INPP4B: variants seen among roughly 807,000 people sequenced by gnomAD.
INPP4B encodes the protein inositol polyphosphate 4-phosphatase type II.
A neutral mutation model predicts 122.5 loss-of-function variants in INPP4B; 55 were observed. The ratio of observed to expected loss-of-function variants is 0.45; its 90% CI spans 0.36 to 0.56. The LOEUF (loss-of-function observed/expected upper bound fraction) is 0.56. Among genes scored for constraint, INPP4B ranks in the 20% least tolerant of loss-of-function variants. The pLI, the probability that INPP4B is intolerant of heterozygous loss-of-function variation, is 0.00. For synonymous variants in INPP4B, 403 were observed against 388.7 expected (o/e 1.04, Z -0.43); for missense variants, 1,000 against 1,097.7 (o/e 0.91, Z 1.26).
chr4:142,539,006 A>G (rs1372408797), intron 2 of INPP4B, among the ~76,000 whole-genome samples: 2 of 151,566 alleles, frequency 1.3e-5, no homozygotes, highest in Non-Finnish European at 2.9e-5. Flanking sequence ...AAGACAATGA[A>G]AAAAATTGTT....
intron 2 of INPP4B, among the ~76,000 whole-genome samples, chr4:142,621,843 T>C (rs746803882): frequency 1.6e-4 from 25 of 151,890 alleles, no homozygotes; most frequent in Non-Finnish European, 3.2e-4. Context: ...CATTTAGTGT[T>C]TGCACGTTGC....
At chr4:142,605,292 TAACTGTAAAACTAGAAGA>T (rs1560855853) in intron 2 of INPP4B, among the ~76,000 whole-genome samples, 1 of 151,796 alleles carries the variant, frequency 6.6e-6, no homozygotes, top group African/African-American at 2.4e-5. Flanking sequence ...AGAAGACATG[TAACTGTAAAACTAGAAGA>T]AACTGTAAAA....
At chr4:142,223,667 G>T in intron 12 of INPP4B, among the ~76,000 whole-genome samples, 1 of 152,204 alleles carries the variant, frequency 6.6e-6, no homozygotes, top group Non-Finnish European at 1.5e-5. Flanking sequence ...ATGACACACA[G>T]CATCTGCCCT....
At chr4:142,134,497 T>C (rs1802960023) in intron 18 of INPP4B, among the ~76,000 whole-genome samples, 1 of 152,202 alleles carries the variant, frequency 6.6e-6, no homozygotes, top group Non-Finnish European at 1.5e-5. Flanking sequence ...AAATGTACTT[T>C]ACATGGCATA....
chr4:142,820,352 A>G (rs532817536), intron 1 of INPP4B, among the ~76,000 whole-genome samples: 1 of 151,620 alleles, frequency 6.6e-6, no homozygotes, highest in South Asian at 2.1e-4. Context: ...AGAGCCTGGC[A>G]CCTCCCTCCT....
At position 142,108,113 on chromosome 4, in the gene INPP4B, A is replaced by G. The variant is rs756591423; in HGVS notation, c.2354T>C (p.Met785Thr). Residue 785 changes from methionine to threonine, a missense_variant, in exon 23 of 26, where the codon ATG (methionine) becomes ACG (threonine). Transcript: ENST00000262992. ...ELLQEYYKIFMEKMPPDYISH... is the reference protein window; with the variant it reads ...ELLQEYYKIFTEKMPPDYISH... The stretch of plus-strand genomic sequence containing the variant: ...CTTACAATCAGGAGGCATCTTTTCC[A>G]TAAATATCTTGTAATATTCTTGTAG... The G allele has an allele frequency of 2.4e-5, 37 of 1,556,964 alleles. No individual in the cohort carries two copies. The highest frequency in any genetic ancestry group is 3.0e-5 in the Non-Finnish European group (34 of 1,130,458).
chr4:142,811,153 T>C (rs565294325), intron 1 of INPP4B, among the ~76,000 whole-genome samples: 40 of 152,316 alleles, frequency 2.6e-4, no homozygotes, highest in African/African-American at 8.7e-4. Flanking sequence ...CTCGATGCAG[T>C]GCTGGTGCAG....
At chr4:142,354,127 T>C (rs919681293) in intron 7 of INPP4B, among the ~76,000 whole-genome samples, 3 of 151,966 alleles carry the variant, frequency 2.0e-5, no homozygotes, top group Non-Finnish European at 4.4e-5. Flanking sequence ...TCAAATGCAA[T>C]AGCCGAAACC....
intron 15 of INPP4B, among the ~76,000 whole-genome samples, chr4:142,177,879 C>T (rs1829048010): frequency 6.6e-6 from 1 of 152,082 alleles, no homozygotes; most frequent in African/African-American, 2.4e-5. Flanking sequence ...ATATTTGTCC[C>T]AGTCCCTTTT....
At chr4:142,601,874 C>T (rs1418926707) in intron 2 of INPP4B, among the ~76,000 whole-genome samples, 6 of 144,664 alleles carry the variant, frequency 4.1e-5, no homozygotes, top group Non-Finnish European at 7.4e-5. Flanking sequence ...GAGGCTGAGG[C>T]AGGAGAATGG....
chr4:142,345,448 T>C (rs189223932), intron 7 of INPP4B, among the ~76,000 whole-genome samples: 1 of 152,168 alleles, frequency 6.6e-6, no homozygotes, highest in East Asian at 1.9e-4. Flanking sequence ...GAAATGTGTA[T>C]ACCATGCATT....
intron 14 of INPP4B, among the ~76,000 whole-genome samples, chr4:142,206,348 T>C (rs1842572654): frequency 9.1e-6 from 1 of 109,512 alleles, no homozygotes; most frequent in African/African-American, 3.6e-5. Flanking sequence ...TCCATCTCTC[T>C]CTCTCTCTTT....
At chr4:142,815,680 G>A (rs918656948) in intron 1 of INPP4B, among the ~76,000 whole-genome samples, 1 of 151,996 alleles carries the variant, frequency 6.6e-6, no homozygotes, top group African/African-American at 2.4e-5. Flanking sequence ...TATAAGTAAA[G>A]CTTAACAAAA....
chr4:142,047,218 G>A (rs2152371265), intron 25 of INPP4B, among the ~76,000 whole-genome samples: 1 of 152,120 alleles, frequency 6.6e-6, no homozygotes, highest in South Asian at 2.1e-4. Flanking sequence ...TTTTTTGATA[G>A]AAATAAAGAG....
intron 1 of INPP4B, among the ~76,000 whole-genome samples, chr4:142,792,308 T>C (rs1419026976): frequency 6.6e-6 from 1 of 151,894 alleles, no homozygotes; most frequent in Non-Finnish European, 1.5e-5. Context: ...ACAATACATA[T>C]AAATTTTAGA....
chr4:142,068,954 A>C (rs1358917656), intron 25 of INPP4B, among the ~76,000 whole-genome samples: 1 of 152,150 alleles, frequency 6.6e-6, no homozygotes, highest in Non-Finnish European at 1.5e-5. Context: ...ATATCCAGGA[A>C]TTGAACTCAG....
At chr4:142,053,887 C>A (rs554810185) in intron 25 of INPP4B, among the ~76,000 whole-genome samples, 21 of 152,208 alleles carry the variant, frequency 1.4e-4, no homozygotes, top group African/African-American at 4.3e-4. Flanking sequence ...TTGAATATAT[C>A]ATTCTTGCTC....
intron 2 of INPP4B, among the ~76,000 whole-genome samples, chr4:142,498,857 A>C (rs553987290): frequency 1.2e-4 from 18 of 152,306 alleles, no homozygotes; most frequent in Admixed American, 1.2e-3. Context: ...TGATTAAAAA[A>C]TTAAAAAGGA....
At chr4:142,565,449 T>C (rs1176850033) in intron 2 of INPP4B, among the ~76,000 whole-genome samples, 3 of 152,174 alleles carry the variant, frequency 2.0e-5, no homozygotes, top group Non-Finnish European at 4.4e-5. Context: ...GGTTCATGTG[T>C]CTGTACTAAC....
Sources: gnomAD v4.1 joint callset for allele counts (sites outside exome capture counted in the v4.1 genomes callset) on GRCh38, gnomAD v4.1.1 for gene constraint, MANE v1.5 for transcripts, NCBI Gene and HGNC (gene_info 2026-07-23, HGNC 2026-07-21) for gene names.